MACF1: variants seen among roughly 807,000 people sequenced by gnomAD.
The protein encoded by MACF1 is microtubule-actin cross-linking factor 1.
MACF1 carries 193 observed loss-of-function variants against 854.8 expected under a neutral mutation model. The ratio of observed to expected loss-of-function variants is 0.23; its 90% CI spans 0.20 to 0.25. The LOEUF is 0.25. MACF1 is among the 10% of genes least tolerant of loss of function. MACF1 has a pLI of 1.00. For missense variants in MACF1, 7,722 were observed against 8,929.1 expected (o/e 0.86, Z 5.45); for synonymous variants, 3,185 against 3,226.7 (o/e 0.99, Z 0.44).
In MACF1 at chr1:39,417,713, A is replaced by ATTTTTTTTTTTTTTTT. The variant is rs56799242; in HGVS notation, c.15817-4640_15817-4625dup. Among the ~76,000 whole-genome samples the ATTTTTTTTTTTTTTTT allele has an allele frequency of 1.1e-4, 6 of 55,830 alleles. 1 individual carries two copies. Among genetic ancestry groups the ATTTTTTTTTTTTTTTT allele is most frequent in the Non-Finnish European group, 1.9e-4 (5 of 25,994 alleles). 36.6% of individuals were successfully genotyped at this position (55,830 alleles called of 152,430 possible). A position where few individuals can be genotyped will look rare whatever the true frequency, so the allele number is the denominator to read the frequency against. On this transcript the variant is annotated intron_variant, in intron 58 of 100. Coordinates refer to ENST00000564288, the MANE Select transcript of MACF1 (RefSeq NM_001394062.1). Reference sequence around the variant, plus strand: ...AGGAATGTGCCACCACACCCAGTTAATTTTTTTTTTTTTTTTTTTTTTTTT... The same window carrying ATTTTTTTTTTTTTTTT: ...AGGAATGTGCCACCACACCCAGTTAATTTTTTTTTTTTTTTTTTTTTTTTTTTTTTTTTTTTTTTTT...
chr1:39,414,797 G>A (rs1643224220), intron 58 of MACF1, among the ~76,000 whole-genome samples: 1 of 152,204 alleles, frequency 6.6e-6, no homozygotes, highest in African/African-American at 2.4e-5. Context: ...GAATTATACA[G>A]TGAGCATGTT....
intron 80 of MACF1, among the ~76,000 whole-genome samples, chr1:39,445,952 T>TA (rs1173351082): frequency 1.3e-5 from 2 of 152,130 alleles, no homozygotes; most frequent in African/African-American, 4.8e-5. Flanking sequence ...ATCAATAACC[T>TA]ATCTCCAAAA....
chr1:39,396,874 C>T (rs1451886181), intron 58 of MACF1, among the ~76,000 whole-genome samples: 1 of 152,164 alleles, frequency 6.6e-6, no homozygotes, highest in Non-Finnish European at 1.5e-5. Context: ...TGGAAAAACC[C>T]AGCTATGGGT....
At chr1:39,463,274 G>A (rs1253188004) in intron 93 of MACF1, among the ~76,000 whole-genome samples, 1 of 152,080 alleles carries the variant, frequency 6.6e-6, no homozygotes, top group South Asian at 2.1e-4. Flanking sequence ...ATCACCTGAG[G>A]TCGGGAGTTC....
intron 97 of MACF1, among the ~76,000 whole-genome samples, chr1:39,471,240 T>C (rs565900838): frequency 1.3e-5 from 2 of 152,268 alleles, no homozygotes; most frequent in African/African-American, 4.8e-5. Context: ...ACCTAAGGAC[T>C]AGGATGGATT....
intron 36 of MACF1, among the ~76,000 whole-genome samples, chr1:39,330,597 C>A (rs748199788): frequency 1.3e-5 from 2 of 152,150 alleles, no homozygotes; most frequent in Non-Finnish European, 2.9e-5. Context: ...CTGCTTACCA[C>A]CCTGTAGAGC....
chr1:39,432,868 C>T (rs1643897842), intron 67 of MACF1, among the ~76,000 whole-genome samples, 180 bp from the exon 68 acceptor site: 2 of 151,898 alleles, frequency 1.3e-5, no homozygotes, highest in South Asian at 2.1e-4. Context: ...TTAGCAATTT[C>T]CTTGATAGAA....
At chr1:39,448,505 T>G (rs1644272612) in intron 83 of MACF1, 89 bp from the exon 84 acceptor site, 1 of 1,123,196 alleles carries the variant, frequency 8.9e-7, no homozygotes, top group African/African-American at 1.6e-5. Flanking sequence ...CTTTATTTGG[T>G]TTCTAGCCTG....
At chr1:39,137,749 A>AGGCAAACAGAGATAACTGACTCCTT (rs1643216081) in intron 2 of MACF1, among the ~76,000 whole-genome samples, 1 of 152,104 alleles carries the variant, frequency 6.6e-6, no homozygotes, top group Non-Finnish European at 1.5e-5. Context: ...GCATTATCTC[A>AGGCAAACAGAGATAACTGACTCCTT]TTCAACTATA....
intron 2 of MACF1, among the ~76,000 whole-genome samples, chr1:39,248,309 T>C (rs896896200): frequency 1.3e-5 from 2 of 152,154 alleles, no homozygotes; most frequent in African/African-American, 4.8e-5. Context: ...TCTTTTTTTT[T>C]ATTATTTTTT....
At chr1:39,275,079 CT>C (rs765812955) in intron 6 of MACF1, among the ~76,000 whole-genome samples, 3,365 of 138,034 alleles carry the variant, frequency 0.024, 40 homozygotes, top group African/African-American at 0.055. Context: ...CAATAAGATA[CT>C]TTTTTTTTTT....
At chr1:39,254,418 G>A (rs1403119312) in intron 5 of MACF1, 43 bp downstream of exon 5, 1 of 1,564,070 alleles carries the variant, frequency 6.4e-7, no homozygotes, top group Non-Finnish European at 8.8e-7. Flanking sequence ...AGGCTGTGTT[G>A]GCATTGGGGC....
At chr1:39,408,482 A>G (rs117633858) in intron 58 of MACF1, among the ~76,000 whole-genome samples, 3,745 of 152,228 alleles carry the variant, frequency 0.025, 117 homozygotes, top group East Asian at 0.17. Flanking sequence ...TGGAGCCGAG[A>G]GCGATGCAGG....
intron 2 of MACF1, among the ~76,000 whole-genome samples, chr1:39,244,033 A>AG (rs1644953523): frequency 6.6e-6 from 1 of 151,736 alleles, no homozygotes; most frequent in Non-Finnish European, 1.5e-5. Context: ...GGAAAAAAAA[A>AG]TCTCTTTGCA....
chr1:39,100,821 T>C (rs1274038525), intron 2 of MACF1, among the ~76,000 whole-genome samples: 1 of 151,956 alleles, frequency 6.6e-6, no homozygotes, highest in Admixed American at 6.6e-5. Context: ...GCCATTGCAC[T>C]CTAGCCTGGG....
intron 58 of MACF1, among the ~76,000 whole-genome samples, chr1:39,390,464 C>T (rs1034711753): frequency 6.6e-6 from 1 of 152,154 alleles, no homozygotes; most frequent in Non-Finnish European, 1.5e-5. Flanking sequence ...TGGCTGAAGG[C>T]CTTCTTACCA....
chr1:39,328,219 T>C (rs1646653108), intron 36 of MACF1: 2 of 152,214 alleles, frequency 1.3e-5, no homozygotes, highest in Non-Finnish European at 2.9e-5. Flanking sequence ...TATGATTTGA[T>C]GGTGTATTTC....
intron 38 of MACF1, 143 bp from the exon 39 acceptor site, chr1:39,340,359 A>G (rs1646909983): frequency 1.6e-6 from 1 of 622,740 alleles, no homozygotes; most frequent in African/African-American, 1.8e-5. Flanking sequence ...GTGAGAACCA[A>G]GTAAACTAAT....
At chr1:39,357,136 A>G (rs1647665465) in intron 44 of MACF1, among the ~76,000 whole-genome samples, 1 of 152,204 alleles carries the variant, frequency 6.6e-6, no homozygotes, top group South Asian at 2.1e-4. Flanking sequence ...GTCAGCATCT[A>G]AATTAAAGGG....
Sources: gnomAD v4.1 joint callset for allele counts (sites outside exome capture counted in the v4.1 genomes callset) on GRCh38, gnomAD v4.1.1 for gene constraint, MANE v1.5 for transcripts, NCBI Gene and HGNC (gene_info 2026-07-23, HGNC 2026-07-21) for gene names.